CCDC169: variants seen among roughly 807,000 people sequenced by gnomAD.
CCDC169 encodes coiled-coil domain containing 169, also known as coiled-coil domain-containing protein 169.
CCDC169 carries 30 observed loss-of-function variants against 36.0 expected under a neutral mutation model. The observed-to-expected ratio is 0.83, with a 90% CI of 0.62 to 1.13. The LOEUF (loss-of-function observed/expected upper bound fraction) is 1.13. Among genes scored for constraint, CCDC169 ranks in the 50% most tolerant of loss-of-function variants. The pLI is 0.00. For missense variants in CCDC169, 245 were observed against 245.9 expected (o/e 1.00, Z 0.03); for synonymous variants, 85 against 81.5 (o/e 1.04, Z -0.23).
intron 2 of CCDC169, among the ~76,000 whole-genome samples, chr13:36,295,423 A>C (rs528421570): frequency 5.3e-5 from 8 of 152,322 alleles, no homozygotes; most frequent in Non-Finnish European, 1.0e-4. Flanking sequence ...ACGGATTTTA[A>C]ACATATCCCA....
intron 4 of CCDC169, among the ~76,000 whole-genome samples, chr13:36,263,682 A>G (rs1298396825): frequency 6.6e-6 from 1 of 152,214 alleles, no homozygotes; most frequent in Non-Finnish European, 1.5e-5. Context: ...TAATTGGGTG[A>G]TATTTCTCAG....
At chr13:36,244,468 A>G (rs997339213) in intron 7 of CCDC169, 2 of 152,042 alleles carry the variant, frequency 1.3e-5, no homozygotes, top group African/African-American at 2.4e-5. Context: ...TGTTGTTGCA[A>G]TTTTTTGCTG....
At chr13:36,260,894 C>T (rs778277205) in intron 4 of CCDC169, among the ~76,000 whole-genome samples, 1 of 152,174 alleles carries the variant, frequency 6.6e-6, no homozygotes, top group African/African-American at 2.4e-5. Context: ...TAGAAGTACA[C>T]GGTTTCCTGG....
At chr13:36,247,580 A>G (rs1170584129) in intron 7 of CCDC169, among the ~76,000 whole-genome samples, 2 of 152,162 alleles carry the variant, frequency 1.3e-5, no homozygotes, top group East Asian at 3.9e-4. Flanking sequence ...TCAGTGGAGG[A>G]AGTACTGTAG....
intron 6 of CCDC169, among the ~76,000 whole-genome samples, chr13:36,250,612 G>A (rs567635391): frequency 6.6e-6 from 1 of 152,304 alleles, no homozygotes; most frequent in Admixed American, 6.5e-5. Flanking sequence ...CAAAAAGGCA[G>A]CTGAAATACC....
rs79077096 is a variant in CCDC169 at position 36,279,314 on chromosome 13, T to C, written c.315+4155A>G. Among the ~76,000 whole-genome samples the C allele has an allele frequency of 5.3e-3, 801 of 152,342 alleles. 9 individuals are homozygous for C. Among genetic ancestry groups the C allele is most frequent in the African/African-American group, 0.019 (776 of 41,580 alleles). On this transcript the variant is annotated intron_variant, in intron 4 of 7. Coordinates refer to ENST00000239859, the MANE Select transcript of CCDC169 (RefSeq NM_001144981.3). ...TCCCTACCATGAATACCAAACCCTT[T>C]ATTATTTAGCCCCTGCATATTATTT...
chr13:36,264,701 A>G (rs1875051777), intron 4 of CCDC169, among the ~76,000 whole-genome samples: 1 of 152,188 alleles, frequency 6.6e-6, no homozygotes, highest in South Asian at 2.1e-4. Flanking sequence ...TCTTGCTGCT[A>G]TTCCCAACCT....
At position 36,253,821 on chromosome 13, in the gene CCDC169, G is replaced by A. The variant is rs1311375262; in HGVS notation, c.450C>T (p.Tyr150=). The A allele has an allele frequency of 1.3e-6, 2 of 1,551,112 alleles. No homozygotes were observed. The highest frequency in any genetic ancestry group is 4.9e-5 in the East Asian group (2 of 40,890). ...GAGTTACCTGAGACATTTCAGCTAGGTATGTACGGCGTTCATTGTTGATCT... is the reference window on the plus strand; with the variant it reads ...GAGTTACCTGAGACATTTCAGCTAGATATGTACGGCGTTCATTGTTGATCT... ...YQKINNERRT[Y]LAEMSQGSGL... The change falls in exon 6 of 8, where the codon TAC becomes TAT. Residue 150 remains tyrosine, a synonymous_variant. Transcript: ENST00000239859.
intron 4 of CCDC169, among the ~76,000 whole-genome samples, chr13:36,274,954 C>T (rs972100213): frequency 1.3e-5 from 2 of 148,706 alleles, no homozygotes; most frequent in African/African-American, 2.5e-5. Flanking sequence ...CTGCAGGCTC[C>T]GCCTGCCAGG....
chr13:36,261,144 G>A (rs1009328004), intron 4 of CCDC169, among the ~76,000 whole-genome samples: 2 of 152,100 alleles, frequency 1.3e-5, no homozygotes, highest in African/African-American at 2.4e-5. Context: ...TGGACCAAAG[G>A]CTTAACCAGG....
intron 7 of CCDC169, 27 bp downstream of exon 7, chr13:36,248,579 A>G (rs1162119086): frequency 1.3e-6 from 2 of 1,545,482 alleles, no homozygotes; most frequent in Non-Finnish European, 1.7e-6. Flanking sequence ...GTAACGAATT[A>G]GAAAGAAAAT....
At chr13:36,290,160 C>A (rs1263050132) in intron 2 of CCDC169, among the ~76,000 whole-genome samples, 1 of 152,150 alleles carries the variant, frequency 6.6e-6, no homozygotes, top group Non-Finnish European at 1.5e-5. Context: ...TCTAAGTTAA[C>A]CGAAGCCCCA....
At chr13:36,282,491 T>A (rs1334410447) in intron 4 of CCDC169, 1 of 985,288 alleles carries the variant, frequency 1.0e-6, no homozygotes, top group East Asian at 1.1e-4. Context: ...ACACCCCTCT[T>A]GGATTCATGA....
chr13:36,251,320 C>A (rs1873127647), intron 6 of CCDC169, among the ~76,000 whole-genome samples: 1 of 152,172 alleles, frequency 6.6e-6, no homozygotes, highest in African/African-American at 2.4e-5. Context: ...GTAGTATCCA[C>A]ATGGTTAGAA....
chr13:36,227,041 G>T, downstream of CCDC169: 1 of 432,942 alleles, frequency 2.3e-6, no homozygotes, highest in South Asian at 9.9e-5. Flanking sequence ...GTCAGCTCGA[G>T]GAGAGTTGGA....
Position 36,231,216 on chromosome 13 carries a change from G to A in CCDC169, c.622C>T (p.His208Tyr), listed in dbSNP as rs1258504821. The A allele has an allele frequency of 1.3e-6, 2 of 1,551,232 alleles. No individual in the cohort carries two copies. Among genetic ancestry groups the A allele is most frequent in the Non-Finnish European group, 1.7e-6 (2 of 1,146,732 alleles). ...GPVKKITRPN[H>Y]LPELHP ...AATCATGGATGGAGTTCTGGAAGAT[G>A]GTTTGGTCTTGTAATCTTTTTTACT... The change falls in exon 8 of 8, where the codon CAT becomes TAT. Residue 208 changes from histidine (H) to tyrosine (Y), a missense_variant. His to Tyr is a moderately conservative substitution (Grantham distance 83). Coordinates refer to ENST00000239859, the MANE Select transcript of CCDC169 (RefSeq NM_001144981.3).
intron 4 of CCDC169, among the ~76,000 whole-genome samples, chr13:36,272,458 G>A (rs1255338068): frequency 6.6e-6 from 1 of 152,070 alleles, no homozygotes; most frequent in African/African-American, 2.4e-5. Context: ...AGCACCTAGG[G>A]TCCTCAATTA....
At chr13:36,267,346 A>G (rs1435261600) in intron 4 of CCDC169, 1 of 152,224 alleles carries the variant, frequency 6.6e-6, no homozygotes, top group Admixed American at 6.5e-5. Flanking sequence ...ATAATTTTGT[A>G]TCCAGCAAAA....
chr13:36,291,008 C>T (rs2138644473), intron 2 of CCDC169, among the ~76,000 whole-genome samples: 1 of 152,136 alleles, frequency 6.6e-6, no homozygotes, highest in East Asian at 1.9e-4. Flanking sequence ...ATCCTAAGCC[C>T]CCTCAACAGA....
Sources: allele counts gnomAD v4.1 joint callset (sites outside exome capture counted in the v4.1 genomes callset), GRCh38; gene constraint gnomAD v4.1.1; transcripts MANE v1.5; gene names NCBI Gene and HGNC (gene_info 2026-07-23, HGNC 2026-07-21).